Variants in UTRN observed in about 807,000 individuals in gnomAD.
UTRN encodes utrophin.
Under a neutral mutation model 463.9 loss-of-function variants are expected in UTRN, and 283 were observed. The ratio of observed to expected loss-of-function variants is 0.61; its 90% CI spans 0.55 to 0.67. UTRN has a LOEUF of 0.67. UTRN is among the 30% of genes least tolerant of loss of function. The pLI, the probability that UTRN is intolerant of heterozygous loss-of-function variation, is 0.00. For synonymous variants in UTRN, 1,442 were observed against 1,431.5 expected (o/e 1.01, Z -0.17); for missense variants, 3,922 against 4,084.3 (o/e 0.96, Z 1.08).
At chr6:144,476,217 G>T (rs565358344) in intron 25 of UTRN, among the ~76,000 whole-genome samples, 29 of 151,142 alleles carry the variant, frequency 1.9e-4, no homozygotes, top group African/African-American at 6.8e-4. Context: ...GCCTCCCAAA[G>T]CGTGGAGATC....
At chr6:144,516,532 A>G (rs1006544071) in intron 38 of UTRN, 145 bp downstream of exon 38, 4 of 986,352 alleles carry the variant, frequency 4.1e-6, no homozygotes, top group African/African-American at 1.6e-5. Context: ...TGTCAATGTA[A>G]GAGTCACATG....
intron 61 of UTRN, among the ~76,000 whole-genome samples, chr6:144,782,911 C>A (rs900449178): frequency 6.6e-6 from 1 of 151,988 alleles, no homozygotes; most frequent in Non-Finnish European, 1.5e-5. Context: ...AAAACTAGAA[C>A]TGGGCTGGGC....
chr6:144,620,371 C>T (rs1334382895), intron 51 of UTRN, among the ~76,000 whole-genome samples: 2 of 152,170 alleles, frequency 1.3e-5, no homozygotes, highest in Non-Finnish European at 1.5e-5. Context: ...GCTTCTGCTC[C>T]TGTTCTAATA....
At chr6:144,606,519 T>C (rs1281542835) in intron 51 of UTRN, among the ~76,000 whole-genome samples, 2 of 152,232 alleles carry the variant, frequency 1.3e-5, no homozygotes, top group East Asian at 3.8e-4. Flanking sequence ...AGTATCTGTT[T>C]TCAAGTTTGC....
At chr6:144,662,691 C>A (rs1049608677) in intron 51 of UTRN, among the ~76,000 whole-genome samples, 1 of 152,154 alleles carries the variant, frequency 6.6e-6, no homozygotes, top group Admixed American at 6.5e-5. Context: ...AATCCTGATA[C>A]GCTTAGTAGT....
intron 13 of UTRN, among the ~76,000 whole-genome samples, chr6:144,441,567 G>T (rs1452575113): frequency 6.6e-6 from 1 of 152,218 alleles, no homozygotes; most frequent in Non-Finnish European, 1.5e-5. Flanking sequence ...GGTCAGTGTT[G>T]AGTGTCTGCG....
chr6:144,533,717 T>C (rs1269253212), intron 43 of UTRN, among the ~76,000 whole-genome samples: 50 of 129,830 alleles, frequency 3.9e-4, no homozygotes, highest in Non-Finnish European at 2.4e-4. Flanking sequence ...TCTTCATCTA[T>C]GTAATATAAT....
At chr6:144,653,704 G>A (rs1779056266) in intron 51 of UTRN, among the ~76,000 whole-genome samples, 1 of 151,918 alleles carries the variant, frequency 6.6e-6, no homozygotes, top group Non-Finnish European at 1.5e-5. Flanking sequence ...ATTGTTTTCA[G>A]CTCAATAAGT....
intron 65 of UTRN, among the ~76,000 whole-genome samples, chr6:144,803,420 C>A (rs897145822): frequency 5.9e-5 from 9 of 151,710 alleles, no homozygotes; most frequent in Admixed American, 3.9e-4. Context: ...TACTATGTAA[C>A]GAAAAATCAT....
rs751971071 is a variant in UTRN, at chr6:144,473,980, A to G, written c.3180+147A>G. ...TTCATCATAAAGCTTTTATGACTTTATAGCTAATAAAAGAATGACAGATTC... is the reference window on the plus strand; with the variant it reads ...TTCATCATAAAGCTTTTATGACTTTGTAGCTAATAAAAGAATGACAGATTC... On this transcript the variant is annotated intron_variant, in intron 24 of 74. Transcript: ENST00000367545. 15 of 575,136 alleles carry G rather than the reference A, an allele frequency of 2.6e-5. No individual in the cohort carries two copies. The South Asian group carries it at 3.7e-4, about 14-fold the overall frequency. The allele number at this position is 575,136 out of a possible 1,614,324, so 35.6% of individuals were successfully genotyped here. A position where few individuals can be genotyped will look rare whatever the true frequency, so the allele number is the denominator to read the frequency against.
chr6:144,290,440 C>T (rs1381663076), intron 1 of UTRN, among the ~76,000 whole-genome samples: 2 of 152,196 alleles, frequency 1.3e-5, no homozygotes, highest in African/African-American at 4.8e-5. Context: ...CTAGATTTGT[C>T]TGCTCATGAG....
At chr6:144,619,489 G>A (rs1468949924) in intron 51 of UTRN, among the ~76,000 whole-genome samples, 1 of 152,178 alleles carries the variant, frequency 6.6e-6, no homozygotes, top group African/African-American at 2.4e-5. Flanking sequence ...GAATATGGGA[G>A]AAGCCCAATT....
intron 1 of UTRN, among the ~76,000 whole-genome samples, chr6:144,287,560 G>A (rs937892065): frequency 2.0e-5 from 3 of 151,896 alleles, no homozygotes; most frequent in Non-Finnish European, 2.9e-5. Context: ...ATATATATGT[G>A]CTATATACAT....
At chr6:144,403,077 A>G (rs1309688318) in intron 2 of UTRN, 46 bp from the exon 3 acceptor site, 1 of 1,550,498 alleles carries the variant, frequency 6.4e-7, no homozygotes, top group East Asian at 2.3e-5. Context: ...TACTAAAGGT[A>G]CAGACTCTCA....
intron 65 of UTRN, among the ~76,000 whole-genome samples, chr6:144,804,171 G>A (rs1428761804): frequency 6.6e-6 from 1 of 152,068 alleles, no homozygotes. Context: ...TGACAGAAAG[G>A]CTGTAATACT....
intron 53 of UTRN, among the ~76,000 whole-genome samples, chr6:144,717,634 C>CTTTTTTTTTTTTTTTTT (rs869170852): frequency 7.1e-5 from 5 of 70,092 alleles, no homozygotes; most frequent in Non-Finnish European, 9.4e-5. Context: ...TTTCTTTTTT[C>CTTTTTTTTTTTTTTTTT]TTTTTTTTTT....
intron 2 of UTRN, 128 bp from the exon 3 acceptor site, chr6:144,402,995 T>C (rs1783057570): frequency 2.5e-6 from 2 of 790,322 alleles, no homozygotes; most frequent in East Asian, 2.7e-5. Flanking sequence ...CTCCGCCTCA[T>C]TGTGCTCAAG....
At chr6:144,562,111 A>C (rs1205547204) in intron 50 of UTRN, among the ~76,000 whole-genome samples, 2 of 152,174 alleles carry the variant, frequency 1.3e-5, no homozygotes, top group Non-Finnish European at 2.9e-5. Flanking sequence ...TTTACCTTGC[A>C]ATTAAGCATT....
chr6:144,477,754 C>G (rs1044160643), intron 25 of UTRN, among the ~76,000 whole-genome samples: 7 of 152,124 alleles, frequency 4.6e-5, no homozygotes, highest in Admixed American at 1.3e-4. Context: ...AAATTTTTCT[C>G]AATGTGCTAT....
Sources: gnomAD v4.1 joint callset for allele counts (sites outside exome capture counted in the v4.1 genomes callset) on GRCh38, gnomAD v4.1.1 for gene constraint, MANE v1.5 for transcripts, NCBI Gene and HGNC (gene_info 2026-07-23, HGNC 2026-07-21) for gene names.